The following ANGPT1 variants were observed in gnomAD, a reference collection of about 807,000 sequenced individuals.
ANGPT1 encodes angiopoietin 1.
Under a neutral mutation model 62.2 loss-of-function variants are expected in ANGPT1, and 17 were observed. The ratio of observed to expected loss-of-function variants is 0.27; its 90% CI spans 0.19 to 0.41. The LOEUF (loss-of-function observed/expected upper bound fraction) is 0.41. Among genes scored for constraint, ANGPT1 ranks in the 10% least tolerant of loss-of-function variants. The probability of loss-of-function intolerance (pLI) is 1.00; values close to 1 mark genes in which losing one functional copy is unlikely to be tolerated. For missense variants in ANGPT1, 478 were observed against 594.9 expected (o/e 0.80, Z 2.04); for synonymous variants, 199 against 198.9 (o/e 1.00, Z 0.00).
chr8:107,459,723 AT>A (rs5893867), intron 1 of ANGPT1, among the ~76,000 whole-genome samples: 2 of 152,106 alleles, frequency 1.3e-5, no homozygotes, highest in African/African-American at 4.8e-5. Flanking sequence ...AAAATAAGTT[AT>A]TTTTTGTATA....
intron 1 of ANGPT1, among the ~76,000 whole-genome samples, chr8:107,466,409 C>A (rs1294814828): frequency 1.3e-5 from 2 of 151,998 alleles, no homozygotes; most frequent in East Asian, 3.9e-4. Flanking sequence ...AGAATAATTT[C>A]TGGTTTTCCA....
At chr8:107,401,558 A>G (rs1817048174) in intron 1 of ANGPT1, among the ~76,000 whole-genome samples, 1 of 152,180 alleles carries the variant, frequency 6.6e-6, no homozygotes, top group Admixed American at 6.5e-5. Flanking sequence ...TAAATCCTCA[A>G]AAGGTTAATG....
rs562762025 is a variant in ANGPT1, at chr8:107,290,087, G to GT, written c.1038+3848dup. Among the ~76,000 whole-genome samples the GT allele has an allele frequency of 2.2e-4, 34 of 152,252 alleles. No homozygotes were observed. In the East Asian group the frequency reaches 5.2e-3, roughly 23 times the overall value. On this transcript the variant is annotated intron_variant, in intron 6 of 8. Coordinates refer to ENST00000517746, the MANE Select transcript of ANGPT1 (RefSeq NM_001146.5). ...AAGGTTAAGTGACAGCTAAGCTTAGGTAAGATACTTGTAGGCTTAAAGCCA... is the reference window on the plus strand; with the variant it reads ...AAGGTTAAGTGACAGCTAAGCTTAGGTTAAGATACTTGTAGGCTTAAAGCCA...
At chr8:107,338,454 A>C (rs1030779896) in intron 2 of ANGPT1, among the ~76,000 whole-genome samples, 6 of 152,216 alleles carry the variant, frequency 3.9e-5, no homozygotes, top group Non-Finnish European at 7.3e-5. Context: ...GGGGTGGAAC[A>C]GGAGGGTGAG....
At chr8:107,420,751 C>T (rs189613229) in intron 1 of ANGPT1, among the ~76,000 whole-genome samples, 34 of 152,134 alleles carry the variant, frequency 2.2e-4, no homozygotes, top group Admixed American at 6.5e-5. Flanking sequence ...TAGAAGTGTC[C>T]TCTAATTTCA....
intron 2 of ANGPT1, among the ~76,000 whole-genome samples, chr8:107,344,004 G>C (rs1439004583): frequency 6.6e-6 from 1 of 152,168 alleles, no homozygotes. Context: ...TGAGGCTGCA[G>C]TGAGCCCTGA....
At chr8:107,311,933 G>A (rs34659875) in intron 4 of ANGPT1, among the ~76,000 whole-genome samples, 1,527 of 152,012 alleles carry the variant, frequency 0.01, 17 homozygotes, top group Non-Finnish European at 0.017. Flanking sequence ...GCGTGGTGGC[G>A]GGCGCCTGTA....
At chr8:107,497,121 A>C (rs573339210) in intron 1 of ANGPT1, 141 bp downstream of exon 1, 2 of 999,050 alleles carry the variant, frequency 2.0e-6, no homozygotes, top group Admixed American at 2.8e-5. Context: ...CCAAACCCAG[A>C]CAGCCGTCTT....
Position 107,445,979 on chromosome 8 carries a change from G to A in ANGPT1, c.297+51283C>T, listed in dbSNP as rs913106914. Among the ~76,000 whole-genome samples the A allele has an allele frequency of 7.2e-5, 11 of 152,224 alleles. No homozygotes were observed. In the South Asian group the frequency reaches 1.5e-3, roughly 20 times the overall value. ...GTCACCCAGGCTGGAGTGCAGTGGCGCTATCTCGGCTCACTGAAACCTCTG... is the reference window on the plus strand; with the variant it reads ...GTCACCCAGGCTGGAGTGCAGTGGCACTATCTCGGCTCACTGAAACCTCTG... On this transcript the variant is annotated intron_variant, in intron 1 of 8. Transcript: ENST00000517746.
intron 1 of ANGPT1, among the ~76,000 whole-genome samples, chr8:107,353,807 G>C (rs1815983607): frequency 6.6e-6 from 1 of 152,086 alleles, no homozygotes; most frequent in South Asian, 2.1e-4. Context: ...AGAAACACGT[G>C]AATGAGTCAT....
intron 1 of ANGPT1, among the ~76,000 whole-genome samples, chr8:107,417,925 T>C (rs80237934): frequency 0.01 from 1,541 of 152,266 alleles, 26 homozygotes; most frequent in African/African-American, 0.035. Flanking sequence ...TCCCTCATAG[T>C]CTTGTAAAAA....
chr8:107,425,439 T>G (rs1811014747), intron 1 of ANGPT1, among the ~76,000 whole-genome samples: 1 of 152,184 alleles, frequency 6.6e-6, no homozygotes, highest in Non-Finnish European at 1.5e-5. Context: ...AACCCATAGC[T>G]TTATGGAAGA....
At chr8:107,417,878 T>A (rs1419720246) in intron 1 of ANGPT1, among the ~76,000 whole-genome samples, 2 of 152,178 alleles carry the variant, frequency 1.3e-5, no homozygotes, top group Non-Finnish European at 2.9e-5. Flanking sequence ...ATCATGTAAG[T>A]CTACAGTGTG....
At chr8:107,389,706 A>G (rs548072208) in intron 1 of ANGPT1, among the ~76,000 whole-genome samples, 10 of 152,320 alleles carry the variant, frequency 6.6e-5, no homozygotes, top group Middle Eastern at 3.4e-3. Context: ...GCAAAAGAGT[A>G]GGTTTGTAGC....
At chr8:107,444,287 A>T (rs1308283983) in intron 1 of ANGPT1, among the ~76,000 whole-genome samples, 1 of 152,242 alleles carries the variant, frequency 6.6e-6, no homozygotes, top group Admixed American at 6.5e-5. Context: ...TTTTAGGATT[A>T]AATTGATTTC....
At chr8:107,464,807 C>T (rs964725482) in intron 1 of ANGPT1, among the ~76,000 whole-genome samples, 7 of 152,006 alleles carry the variant, frequency 4.6e-5, no homozygotes, top group African/African-American at 1.7e-4. Flanking sequence ...CTACTATTGT[C>T]AGGAGAAGAG....
chr8:107,257,014 G>A (rs1474404989), intron 8 of ANGPT1, among the ~76,000 whole-genome samples: 3 of 152,026 alleles, frequency 2.0e-5, no homozygotes, highest in East Asian at 1.9e-4. Context: ...CCGCTACCAC[G>A]CCTGGCTAAT....
chr8:107,301,033 C>G (rs1814574998), intron 5 of ANGPT1, among the ~76,000 whole-genome samples: 1 of 151,868 alleles, frequency 6.6e-6, no homozygotes, highest in Admixed American at 6.6e-5. Context: ...ATTTGCATCT[C>G]ATAATGTTTC....
Position 107,249,875 on chromosome 8 carries a change from C to A in ANGPT1, c.*1980G>T, listed in dbSNP as rs1488986449. The stretch of plus-strand genomic sequence containing the variant: ...TAGGAACACAAAAGGACAAAATACT[C>A]ATTTTCTTTCCCTTAAATGAAAACA... On this transcript the variant is annotated 3_prime_UTR_variant, in exon 9 of 9. Coordinates refer to ENST00000517746, the MANE Select transcript of ANGPT1 (RefSeq NM_001146.5). 6.6e-6 allele frequency: 1 copy of A among 152,288 alleles called. No homozygotes were observed. The highest frequency in any genetic ancestry group is 2.4e-5 in the African/African-American group (1 of 41,374). The allele number at this position is 152,288 out of a possible 1,614,324, so 9.4% of individuals were successfully genotyped here.
Sources: gnomAD v4.1 joint callset for allele counts (sites outside exome capture counted in the v4.1 genomes callset) on GRCh38, gnomAD v4.1.1 for gene constraint, MANE v1.5 for transcripts, NCBI Gene and HGNC (gene_info 2026-07-23, HGNC 2026-07-21) for gene names.